Variants in ERC1 observed in about 807,000 individuals in gnomAD.
ERC1 encodes RAB6 interacting protein 2.
Under a neutral mutation model 132.0 loss-of-function variants are expected in ERC1, and 56 were observed. That is an observed-to-expected ratio of 0.42 (90% CI 0.34 to 0.53). The LOEUF is 0.53. ERC1 is among the 20% of genes least tolerant of loss of function. The probability of loss-of-function intolerance (pLI) is 0.03; values close to 1 mark genes in which losing one functional copy is unlikely to be tolerated. For missense variants in ERC1, 1,202 were observed against 1,349.9 expected (o/e 0.89, Z 1.72); for synonymous variants, 478 against 476.1 (o/e 1.00, Z -0.05).
chr12:1,141,805 C>T lies in ERC1; in HGVS notation c.1737+18C>T, dbSNP rs1282393803. The T allele has an allele frequency of 6.5e-6, 10 of 1,532,228 alleles. No homozygotes were observed. The highest frequency in any genetic ancestry group is 1.7e-4 in the Middle Eastern group (1 of 5,776). The allele number at this position is 1,532,228 out of a possible 1,614,324, so 94.9% of individuals were successfully genotyped here. ...AGAAGAAGGTAAGGTACAGGTGTTT[C>T]GAGTTCAGTGGCCCATTCCTCATAC... On this transcript the variant is annotated intron_variant, in intron 8 of 18. Coordinates refer to ENST00000360905, the MANE Select transcript of ERC1 (RefSeq NM_178040.4).
chr12:1,314,365 T>G lies in ERC1; in HGVS notation c.2780+24353T>G, dbSNP rs1038861872. 5.3e-5 allele frequency among the ~76,000 whole-genome samples: 8 copies of G among 152,150 alleles called. No homozygotes were observed. In the South Asian group the frequency reaches 6.2e-4, roughly 12 times the overall value. ...ATGACAAAAGAAGATTAAATTTAAA[T>G]AAAAAGTTCCTTTCTAAAAATGTAA... On this transcript the variant is annotated intron_variant, in intron 15 of 18. Coordinates refer to ENST00000360905, the MANE Select transcript of ERC1 (RefSeq NM_178040.4).
chr12:1,051,529 CA>C (rs35353366), intron 2 of ERC1, among the ~76,000 whole-genome samples: 4,933 of 124,994 alleles, frequency 0.039, 96 homozygotes, highest in African/African-American at 0.12. Context: ...GTCTCTACCC[CA>C]AAAAAAAAAA....
At chr12:1,058,001 GT>G (rs999211200) in intron 2 of ERC1, among the ~76,000 whole-genome samples, 6 of 151,336 alleles carry the variant, frequency 4.0e-5, no homozygotes, top group East Asian at 1.9e-4. Flanking sequence ...ATCAGATTAG[GT>G]TTTTTTTGTT....
intron 15 of ERC1, among the ~76,000 whole-genome samples, chr12:1,349,662 A>T (rs1160919259): frequency 7.4e-6 from 1 of 134,234 alleles, no homozygotes; most frequent in Non-Finnish European, 1.6e-5. Context: ...AGACCGTCTA[A>T]AAAAAAAAAA....
intron 16 of ERC1, among the ~76,000 whole-genome samples, chr12:1,389,822 A>G (rs1228182185): frequency 6.6e-6 from 1 of 152,128 alleles, no homozygotes; most frequent in Non-Finnish European, 1.5e-5. Context: ...ATTCCCGGGT[A>G]TTTTGCCTAT....
In ERC1 at chr12:999,593, A is replaced by T. The variant is rs1368379946; in HGVS notation, c.-157+8271A>T. ...ATCCTCTGCCAGGTTGCAAGCATTG[A>T]ACCTGGTGCTAGGTGATTTTTTTTT... On this transcript the variant is annotated intron_variant, in intron 1 of 18. Transcript: ENST00000360905. Among the ~76,000 whole-genome samples the T allele has an allele frequency of 2.0e-5, 3 of 146,906 alleles. No individual in the cohort carries two copies. The East Asian group carries it at 6.0e-4, about 29-fold the overall frequency.
At chr12:1,004,806 C>CTGTGTG (rs60674277) in intron 1 of ERC1, among the ~76,000 whole-genome samples, 11 of 146,840 alleles carry the variant, frequency 7.5e-5, no homozygotes, top group African/African-American at 2.8e-4. Flanking sequence ...CTGCCTTTTT[C>CTGTGTG]TGTGTGTGTG....
intron 16 of ERC1, among the ~76,000 whole-genome samples, chr12:1,394,266 G>A (rs975928494): frequency 1.3e-5 from 2 of 151,418 alleles, no homozygotes; most frequent in Admixed American, 6.6e-5. Flanking sequence ...CAGGCGTGGT[G>A]GCGGGCTCCT....
At chr12:1,359,818 A>T (rs886157693) in intron 15 of ERC1, among the ~76,000 whole-genome samples, 1 of 152,258 alleles carries the variant, frequency 6.6e-6, no homozygotes, top group Non-Finnish European at 1.5e-5. Context: ...TTATATTGAA[A>T]GGACTATTGG....
At chr12:1,214,623 A>G (rs1246671072) in intron 12 of ERC1, among the ~76,000 whole-genome samples, 1 of 151,578 alleles carries the variant, frequency 6.6e-6, no homozygotes, top group Non-Finnish European at 1.5e-5. Flanking sequence ...ATTTAAATTT[A>G]TATATTAACA....
At chr12:1,176,831 G>GT (rs1298035933) in intron 8 of ERC1, among the ~76,000 whole-genome samples, 1 of 152,170 alleles carries the variant, frequency 6.6e-6, no homozygotes, top group African/African-American at 2.4e-5. Flanking sequence ...ATAAAAGGCT[G>GT]TTTCATCTAT....
chr12:1,359,071 AATTGTC>A (rs1186184081), intron 15 of ERC1, among the ~76,000 whole-genome samples: 2 of 152,152 alleles, frequency 1.3e-5, no homozygotes, highest in African/African-American at 4.8e-5. Context: ...AGGAATCCAA[AATTGTC>A]ATTAGTACTA....
chr12:1,360,616 A>G (rs1022501669), intron 15 of ERC1, among the ~76,000 whole-genome samples: 2 of 152,240 alleles, frequency 1.3e-5, no homozygotes, highest in Non-Finnish European at 1.5e-5. Context: ...AAATATTTAA[A>G]TAATGCAATA....
At chr12:1,134,366 A>G (rs1949051390) in intron 7 of ERC1, among the ~76,000 whole-genome samples, 1 of 148,250 alleles carries the variant, frequency 6.7e-6, no homozygotes, top group South Asian at 2.1e-4. Flanking sequence ...TTTTTTAAAG[A>G]TACAGTGTCT....
At chr12:1,022,271 C>T (rs938432990) in intron 1 of ERC1, among the ~76,000 whole-genome samples, 1 of 152,238 alleles carries the variant, frequency 6.6e-6, no homozygotes. Flanking sequence ...CATATGCACA[C>T]CTGAAACATT....
At chr12:1,427,356 C>G (rs2092672588) in intron 17 of ERC1, among the ~76,000 whole-genome samples, 1 of 152,128 alleles carries the variant, frequency 6.6e-6, no homozygotes, top group Non-Finnish European at 1.5e-5. Context: ...TCAACAGTAA[C>G]CACTTAACTT....
At chr12:1,079,058 C>T (rs1941799707) in intron 2 of ERC1, among the ~76,000 whole-genome samples, 1 of 148,974 alleles carries the variant, frequency 6.7e-6, no homozygotes, top group African/African-American at 2.5e-5. Flanking sequence ...TGACAAAAGT[C>T]GATATACAGA....
At chr12:1,101,268 G>A (rs1192959185) in intron 3 of ERC1, among the ~76,000 whole-genome samples, 4 of 152,132 alleles carry the variant, frequency 2.6e-5, no homozygotes, top group African/African-American at 7.2e-5. Flanking sequence ...AGAGCCTCTG[G>A]GAGGACTAGA....
At chr12:1,293,652 G>A (rs1054970564) in intron 15 of ERC1, among the ~76,000 whole-genome samples, 10 of 152,152 alleles carry the variant, frequency 6.6e-5, no homozygotes, top group South Asian at 6.2e-4. Flanking sequence ...AAAATTGTGG[G>A]GTTGTTCACA....
Sources: allele counts gnomAD v4.1 joint callset (sites outside exome capture counted in the v4.1 genomes callset), GRCh38; gene constraint gnomAD v4.1.1; transcripts MANE v1.5; gene names NCBI Gene and HGNC (gene_info 2026-07-23, HGNC 2026-07-21).